Variants in CABCOCO1 observed in about 807,000 individuals in gnomAD.
The protein encoded by CABCOCO1 is ciliary-associated calcium-binding coiled-coil protein 1.
CABCOCO1 carries 28 observed loss-of-function variants against 35.7 expected under a neutral mutation model. That is an observed-to-expected ratio of 0.78 (90% CI 0.58 to 1.07). The LOEUF (loss-of-function observed/expected upper bound fraction) is 1.07. CABCOCO1 is among the 50% of genes least tolerant of loss of function. The pLI is 0.00. For synonymous variants in CABCOCO1, 95 were observed against 100.1 expected (o/e 0.95, Z 0.30); for missense variants, 326 against 309.2 (o/e 1.05, Z -0.41).
At chr10:61,715,887 G>C (rs917979764) in intron 5 of CABCOCO1, among the ~76,000 whole-genome samples, 3 of 152,148 alleles carry the variant, frequency 2.0e-5, no homozygotes, top group African/African-American at 7.2e-5. Flanking sequence ...TCCACTGTTA[G>C]TCTGATGGAC....
chr10:61,680,478 A>ATATATATAACATATATGTTATATTATGT (rs1839694382), intron 2 of CABCOCO1, among the ~76,000 whole-genome samples: 1 of 25,484 alleles, frequency 3.9e-5, no homozygotes, highest in Admixed American at 4.6e-4. Context: ...ATATATATTT[A>ATATATATAACATATATGTTATATTATGT]TATATATAAC....
intron 3 of CABCOCO1, among the ~76,000 whole-genome samples, chr10:61,683,653 A>G (rs1012389084): frequency 1.2e-4 from 18 of 152,232 alleles, no homozygotes; most frequent in African/African-American, 4.1e-4. Context: ...CCAATTAATT[A>G]TAAGTCTAGT....
intron 5 of CABCOCO1, among the ~76,000 whole-genome samples, chr10:61,698,467 A>G (rs962766785): frequency 6.6e-6 from 1 of 152,138 alleles, no homozygotes; most frequent in African/African-American, 2.4e-5. Context: ...TGATATACTT[A>G]GAAAGATATT....
chr10:61,746,346 T>C (rs1392008633), intron 5 of CABCOCO1, among the ~76,000 whole-genome samples: 1 of 152,184 alleles, frequency 6.6e-6, no homozygotes, highest in African/African-American at 2.4e-5. Flanking sequence ...CTCATTATGA[T>C]TTTTACATTT....
intron 7 of CABCOCO1, among the ~76,000 whole-genome samples, chr10:61,764,228 C>A (rs563211178): frequency 3.9e-5 from 6 of 152,016 alleles, no homozygotes; most frequent in Non-Finnish European, 8.8e-5. Flanking sequence ...TGGGAAGAAT[C>A]GATTGTTTGA....
At chr10:61,677,510 C>A (rs1420570590) in intron 2 of CABCOCO1, among the ~76,000 whole-genome samples, 2 of 151,982 alleles carry the variant, frequency 1.3e-5, no homozygotes, top group African/African-American at 2.4e-5. Context: ...TGTTCATTAC[C>A]ATTTTTTTTC....
intron 2 of CABCOCO1, among the ~76,000 whole-genome samples, chr10:61,677,481 A>G (rs778539372): frequency 1.2e-4 from 19 of 152,058 alleles, no homozygotes; most frequent in Non-Finnish European, 2.2e-4. Context: ...TTTACCGAAT[A>G]CTAATCCTTT....
chr10:61,674,331 G>A (rs1839445980), intron 2 of CABCOCO1, among the ~76,000 whole-genome samples: 1 of 152,108 alleles, frequency 6.6e-6, no homozygotes, highest in Admixed American at 6.6e-5. Flanking sequence ...AAAACAGCCA[G>A]GCTCAATAGC....
chr10:61,671,524 G>A (rs892439117), intron 1 of CABCOCO1, among the ~76,000 whole-genome samples: 8 of 152,094 alleles, frequency 5.3e-5, no homozygotes, highest in African/African-American at 1.7e-4. Context: ...CTCACACAAA[G>A]GTGGCATATG....
intron 5 of CABCOCO1, among the ~76,000 whole-genome samples, chr10:61,720,696 G>A (rs987124494): frequency 2.0e-5 from 3 of 151,624 alleles, no homozygotes; most frequent in Admixed American, 2.0e-4. Context: ...TGGTGGGGGG[G>A]CAGGTAATGA....
intron 5 of CABCOCO1, among the ~76,000 whole-genome samples, chr10:61,747,107 C>T (rs1313565470): frequency 6.6e-6 from 1 of 152,020 alleles, no homozygotes; most frequent in Non-Finnish European, 1.5e-5. Flanking sequence ...ATAGAAAAAT[C>T]GATCTGACAA....
At chr10:61,729,482 G>A (rs1458324247) in intron 5 of CABCOCO1, among the ~76,000 whole-genome samples, 4 of 152,170 alleles carry the variant, frequency 2.6e-5, no homozygotes, top group African/African-American at 9.7e-5. Context: ...AGGTGAAGAT[G>A]TGGAGAAATT....
intron 1 of CABCOCO1, among the ~76,000 whole-genome samples, chr10:61,666,455 G>A (rs1220022919): frequency 6.6e-6 from 1 of 152,144 alleles, no homozygotes; most frequent in African/African-American, 2.4e-5. Flanking sequence ...GTGAGTACAT[G>A]GTAGCTGTAT....
intron 2 of CABCOCO1, among the ~76,000 whole-genome samples, chr10:61,674,652 C>T (rs55877125): frequency 0.39 from 59,383 of 151,908 alleles, 13,857 homozygotes; most frequent in Middle Eastern, 0.53. Context: ...AAGTTATAAG[C>T]CTATTTAAAT....
chr10:61,669,332 A>G (rs1839289833), intron 1 of CABCOCO1, among the ~76,000 whole-genome samples: 1 of 151,974 alleles, frequency 6.6e-6, no homozygotes, highest in African/African-American at 2.4e-5. Context: ...TCTTGGAATA[A>G]CTCTTAAAAT....
intron 5 of CABCOCO1, among the ~76,000 whole-genome samples, chr10:61,758,141 C>T (rs1031996869): frequency 2.0e-5 from 3 of 152,012 alleles, no homozygotes; most frequent in Non-Finnish European, 2.9e-5. Context: ...TTCTTTTCAA[C>T]GTCTCACTCA....
At chr10:61,704,041 C>A (rs2132019611) in intron 5 of CABCOCO1, among the ~76,000 whole-genome samples, 1 of 151,612 alleles carries the variant, frequency 6.6e-6, no homozygotes, top group African/African-American at 2.4e-5. Context: ...CATGGTGAAA[C>A]CCCCGTCTCT....
chr10:61,742,069 G>C (rs1288564289), intron 5 of CABCOCO1, among the ~76,000 whole-genome samples: 2 of 152,176 alleles, frequency 1.3e-5, no homozygotes, highest in East Asian at 1.9e-4. Context: ...GGAAGGTAGA[G>C]AGAAGTCGAT....
At chr10:61,687,969 T>C (rs1292800168) in intron 4 of CABCOCO1, among the ~76,000 whole-genome samples, 1 of 152,092 alleles carries the variant, frequency 6.6e-6, no homozygotes, top group East Asian at 1.9e-4. Flanking sequence ...CTACAACACC[T>C]GTTCAGAACC....
Sources: allele counts gnomAD v4.1 joint callset (sites outside exome capture counted in the v4.1 genomes callset), GRCh38; gene constraint gnomAD v4.1.1; transcripts MANE v1.5; gene names NCBI Gene and HGNC (gene_info 2026-07-23, HGNC 2026-07-21).